Variants in GLDC observed in about 807,000 individuals in gnomAD.
The protein encoded by GLDC is glycine decarboxylase.
A neutral mutation model predicts 121.3 loss-of-function variants in GLDC; 104 were observed. The observed-to-expected ratio is 0.86, with a 90% CI of 0.73 to 1.01. The LOEUF (loss-of-function observed/expected upper bound fraction) is 1.01. GLDC is among the 50% of genes least tolerant of loss of function. GLDC has a pLI of 0.00. For missense variants in GLDC, 1,429 were observed against 1,306.6 expected (o/e 1.09, Z -1.44); for synonymous variants, 546 against 480.6 (o/e 1.14, Z -1.78).
intron 15 of GLDC, among the ~76,000 whole-genome samples, chr9:6,566,900 C>T (rs1040593339): frequency 2.0e-5 from 3 of 152,234 alleles, no homozygotes; most frequent in Non-Finnish European, 4.4e-5. Flanking sequence ...ATTTTGCACA[C>T]AAAGAAACTG....
chr9:6,605,579 T>A (rs1243842109), intron 5 of GLDC, among the ~76,000 whole-genome samples: 1 of 152,318 alleles, frequency 6.6e-6, no homozygotes, highest in African/African-American at 2.4e-5. Flanking sequence ...AATGAGCCAA[T>A]ATTTGTTAAC....
At chr9:6,565,956 T>C (rs1315004170) in intron 15 of GLDC, 2 of 199,802 alleles carry the variant, frequency 1.0e-5, no homozygotes, top group Non-Finnish European at 2.1e-5. Context: ...AAAATATAAC[T>C]ACAGGCCGGG....
At chr9:6,626,879 T>C (rs1171509517) in intron 2 of GLDC, among the ~76,000 whole-genome samples, 1 of 152,142 alleles carries the variant, frequency 6.6e-6, no homozygotes, top group African/African-American at 2.4e-5. Context: ...GATGCCACAT[T>C]AGACCAGCCA....
At chr9:6,587,311 A>T (rs775209304) in intron 14 of GLDC, 28 bp from the exon 15 acceptor site, 7 of 1,539,398 alleles carry the variant, frequency 4.5e-6, no homozygotes, top group Non-Finnish European at 5.4e-6. Context: ...AAAAATGCAT[A>T]TATACATATT....
chr9:6,610,118 A>C (rs1019699337), intron 4 of GLDC, 74 bp downstream of exon 4: 4 of 1,121,508 alleles, frequency 3.6e-6, no homozygotes, highest in Non-Finnish European at 2.6e-6. Context: ...TATTCACAAT[A>C]TACTATAGAA....
intron 3 of GLDC, among the ~76,000 whole-genome samples, chr9:6,615,476 G>T (rs1317316721): frequency 6.6e-6 from 1 of 151,692 alleles, no homozygotes; most frequent in Non-Finnish European, 1.5e-5. Context: ...CACCTACTCA[G>T]GAGGCTGAGG....
chr9:6,548,262 A>G (rs1032748841), intron 21 of GLDC, among the ~76,000 whole-genome samples: 7 of 152,246 alleles, frequency 4.6e-5, no homozygotes, highest in African/African-American at 1.7e-4. Flanking sequence ...TTATTTTCCA[A>G]AATGTCCGTG....
At position 6,536,553 on chromosome 9, in the gene GLDC, A is replaced by G. The variant is rs529033221; in HGVS notation, c.2666-317T>C. Reference sequence around the variant, plus strand: ...ATATTAAGTGAAAAAAGCAAGCCACATAATGATATCCCATTTCTATATATA... The same window carrying G: ...ATATTAAGTGAAAAAAGCAAGCCACGTAATGATATCCCATTTCTATATATA... On this transcript the variant is annotated intron_variant, in intron 22 of 24. Transcript: ENST00000321612. Among the ~76,000 whole-genome samples the G allele has an allele frequency of 4.6e-5, 7 of 152,350 alleles. No individual in the cohort carries two copies. In the Middle Eastern group the frequency reaches 0.017, roughly 370 times the overall value.
intron 23 of GLDC, among the ~76,000 whole-genome samples, chr9:6,535,592 A>AC (rs1216080518): frequency 6.6e-6 from 1 of 152,094 alleles, no homozygotes; most frequent in Non-Finnish European, 1.5e-5. Context: ...TAGGACTCTG[A>AC]CCAGATGTAA....
At chr9:6,605,103 G>A (rs375534989) in intron 6 of GLDC, 28 bp downstream of exon 6, 30 of 1,606,052 alleles carry the variant, frequency 1.9e-5, no homozygotes, top group East Asian at 4.5e-5. Context: ...ACGCCTCCAC[G>A]GACCCCCCAC....
intron 2 of GLDC, 180 bp downstream of exon 2, chr9:6,644,434 G>C (rs1418421039): frequency 3.1e-6 from 2 of 653,892 alleles, no homozygotes; most frequent in Non-Finnish European, 5.5e-6. Flanking sequence ...AAAACTGTCT[G>C]CTCCGAGAAC....
At chr9:6,571,194 G>T (rs986989500) in intron 15 of GLDC, among the ~76,000 whole-genome samples, 2 of 151,890 alleles carry the variant, frequency 1.3e-5, no homozygotes, top group African/African-American at 4.8e-5. Context: ...AAAGAAACTG[G>T]CACAAATCAG....
At chr9:6,565,849 C>G (rs1011647086) in intron 15 of GLDC, 1 of 356,854 alleles carries the variant, frequency 2.8e-6, no homozygotes, top group Admixed American at 4.4e-5. Context: ...TCACTAACCA[C>G]TTTCATGCTG....
At chr9:6,534,604 C>G in intron 24 of GLDC, 104 bp downstream of exon 24, 5 of 717,260 alleles carry the variant, frequency 7.0e-6, no homozygotes, top group East Asian at 5.4e-5. Context: ...CACAAGGTGC[C>G]CCACATATGG....
Position 6,532,958 on chromosome 9 carries a change from C to T in GLDC, c.*59G>A, listed in dbSNP as rs893779931. 4 of 1,242,250 alleles carry T rather than the reference C, an allele frequency of 3.2e-6. No homozygotes were observed. In the African/African-American group the frequency reaches 5.9e-5, roughly 18 times the overall value. 77.0% of individuals were successfully genotyped at this position (1,242,250 alleles called of 1,614,324 possible). A position where few individuals can be genotyped will look rare whatever the true frequency, so the allele number is the denominator to read the frequency against. On this transcript the variant is annotated 3_prime_UTR_variant, in exon 25 of 25. Transcript: ENST00000321612. ...GGGGTGGGAGATGAAATCTTTCTTG[C>T]TTATCAAATGCTCTGGGGAGAGGCA... is the stretch of plus-strand genomic sequence containing the variant.
intron 8 of GLDC, 111 bp from the exon 9 acceptor site, chr9:6,595,230 C>T (rs1298606043): frequency 1.3e-6 from 1 of 798,582 alleles, no homozygotes; most frequent in Admixed American, 1.8e-5. Context: ...ACAAAATGAT[C>T]AGATTTCCTA....
At chr9:6,608,584 C>CA (rs543094309) in intron 4 of GLDC, among the ~76,000 whole-genome samples, 38,263 of 133,008 alleles carry the variant, frequency 0.29, 5,003 homozygotes, top group Admixed American at 0.34. Flanking sequence ...ACTAAAAATA[C>CA]AAAAAAAAAA....
At chr9:6,559,570 C>T (rs546071127) in intron 16 of GLDC, among the ~76,000 whole-genome samples, 5 of 147,104 alleles carry the variant, frequency 3.4e-5, no homozygotes, top group East Asian at 2.0e-4. Context: ...TGGTGGCTCA[C>T]GCCTGTAATC....
At chr9:6,630,707 C>T (rs1369889061) in intron 2 of GLDC, among the ~76,000 whole-genome samples, 1 of 152,218 alleles carries the variant, frequency 6.6e-6, no homozygotes, top group Admixed American at 6.5e-5. Flanking sequence ...TGGGGTGGGG[C>T]TGGGGTGTCA....
Sources: gnomAD v4.1 joint callset for allele counts (sites outside exome capture counted in the v4.1 genomes callset) on GRCh38, gnomAD v4.1.1 for gene constraint, MANE v1.5 for transcripts, NCBI Gene and HGNC (gene_info 2026-07-23, HGNC 2026-07-21) for gene names.